Variants in SNX29 observed in about 807,000 individuals in gnomAD.
SNX29 encodes the protein sorting nexin-29.
Under a neutral mutation model 102.1 loss-of-function variants are expected in SNX29, and 78 were observed. The ratio of observed to expected loss-of-function variants is 0.76; its 90% CI spans 0.64 to 0.92. The LOEUF (loss-of-function observed/expected upper bound fraction) is 0.92, where lower values mean the gene tolerates loss of function less well. SNX29 is among the 40% of genes least tolerant of loss of function. The pLI is 0.00. For synonymous variants in SNX29, 580 were observed against 414.5 expected (o/e 1.40, Z -4.85); for missense variants, 1,280 against 1,061.7 (o/e 1.21, Z -2.86).
intron 18 of SNX29, among the ~76,000 whole-genome samples, chr16:12,465,531 A>T (rs1392824736): frequency 6.6e-6 from 1 of 151,660 alleles, no homozygotes; most frequent in Non-Finnish European, 1.5e-5. Flanking sequence ...ATATGTGTGG[A>T]TTTACTTCTG....
intron 1 of SNX29, among the ~76,000 whole-genome samples, chr16:11,994,636 A>G (rs16958833): frequency 0.089 from 13,541 of 152,186 alleles, 1,052 homozygotes; most frequent in African/African-American, 0.21. Context: ...TTCTTTGTCA[A>G]GGATTAAATA....
intron 20 of SNX29, among the ~76,000 whole-genome samples, chr16:12,530,068 T>A (rs545608531): frequency 6.6e-6 from 1 of 152,214 alleles, no homozygotes; most frequent in Admixed American, 6.5e-5. Flanking sequence ...TCGGCACCGT[T>A]CCAACTACTC....
intron 20 of SNX29, among the ~76,000 whole-genome samples, chr16:12,566,545 G>T (rs187152241): frequency 4.6e-5 from 7 of 152,322 alleles, no homozygotes; most frequent in African/African-American, 1.2e-4. Context: ...GACAGGAGGG[G>T]GTTGTGAGGG....
chr16:12,519,800 G>A (rs975052727), intron 19 of SNX29, among the ~76,000 whole-genome samples: 2 of 152,102 alleles, frequency 1.3e-5, no homozygotes, highest in Non-Finnish European at 2.9e-5. Flanking sequence ...CTGAGGGCAG[G>A]AGTTCGAGAC....
At chr16:12,353,299 C>A (rs999725815) in intron 15 of SNX29, among the ~76,000 whole-genome samples, 3 of 152,188 alleles carry the variant, frequency 2.0e-5, no homozygotes, top group African/African-American at 7.2e-5. Context: ...CATCTGGCCC[C>A]TGGACACCTA....
At chr16:12,046,656 G>A (rs1015670995) in intron 6 of SNX29, among the ~76,000 whole-genome samples, 2 of 152,216 alleles carry the variant, frequency 1.3e-5, no homozygotes, top group African/African-American at 4.8e-5. Flanking sequence ...GCCTCACTCT[G>A]TTGCCCAGGC....
chr16:12,384,225 G>A (rs552922298), intron 16 of SNX29, among the ~76,000 whole-genome samples: 22 of 152,180 alleles, frequency 1.4e-4, no homozygotes, highest in East Asian at 9.6e-4. Context: ...TCTTTCTTTC[G>A]GGTATATACC....
chr16:12,550,364 A>G (rs1037396331), intron 20 of SNX29, among the ~76,000 whole-genome samples: 1 of 152,070 alleles, frequency 6.6e-6, no homozygotes, highest in Non-Finnish European at 1.5e-5. Context: ...AGGAAAACCC[A>G]TCTCTACTAA....
At chr16:12,402,010 T>C (rs553578206) in intron 17 of SNX29, among the ~76,000 whole-genome samples, 1 of 152,350 alleles carries the variant, frequency 6.6e-6, no homozygotes, top group Admixed American at 6.5e-5. Context: ...GAGTGCTACT[T>C]ATATTTCTGC....
intron 1 of SNX29, 126 bp from the exon 2 acceptor site, chr16:11,999,171 A>G (rs183179954): frequency 1.3e-6 from 1 of 781,612 alleles, no homozygotes; most frequent in Non-Finnish European, 2.1e-6. Flanking sequence ...CATTGTAATG[A>G]TACAGATTAT....
At chr16:12,555,842 C>T (rs113498524) in intron 20 of SNX29, among the ~76,000 whole-genome samples, 21 of 152,312 alleles carry the variant, frequency 1.4e-4, no homozygotes, top group African/African-American at 4.8e-4. Flanking sequence ...TGACCAACCC[C>T]CCTCACCACC....
At chr16:12,175,812 G>T (rs1186916257) in intron 13 of SNX29, among the ~76,000 whole-genome samples, 1 of 151,998 alleles carries the variant, frequency 6.6e-6, no homozygotes, top group African/African-American at 2.4e-5. Context: ...TTTGAGACTA[G>T]CTTGGGACAC....
chr16:12,554,649 G>T (rs2078210111), intron 20 of SNX29, among the ~76,000 whole-genome samples: 1 of 152,208 alleles, frequency 6.6e-6, no homozygotes, highest in Admixed American at 6.5e-5. Context: ...GGTTTCACCA[G>T]TTTGTGCATT....
intron 16 of SNX29, among the ~76,000 whole-genome samples, chr16:12,362,601 G>A (rs1459758966): frequency 3.2e-5 from 3 of 93,938 alleles, no homozygotes; most frequent in Non-Finnish European, 5.7e-5. Flanking sequence ...CTCCCCCAGG[G>A]TGCTGGACCT....
intron 3 of SNX29, among the ~76,000 whole-genome samples, chr16:12,026,147 C>G (rs2057185946): frequency 6.6e-6 from 1 of 152,190 alleles, no homozygotes; most frequent in Admixed American, 6.5e-5. Flanking sequence ...GGCCTCAAGG[C>G]CTTTGCACTG....
intron 18 of SNX29, among the ~76,000 whole-genome samples, chr16:12,439,892 G>T (rs10048120): frequency 0.025 from 3,879 of 152,286 alleles, 84 homozygotes; most frequent in East Asian, 0.097. Flanking sequence ...GATGCCAAGT[G>T]GTATTTTCCT....
chr16:12,547,690 G>C (rs187964131), intron 20 of SNX29, among the ~76,000 whole-genome samples: 1 of 151,944 alleles, frequency 6.6e-6, no homozygotes, highest in African/African-American at 2.4e-5. Flanking sequence ...CCTGGCCCCC[G>C]CGTTCCTGTC....
At chr16:12,396,601 G>A (rs1004192668) in intron 16 of SNX29, among the ~76,000 whole-genome samples, 4 of 152,188 alleles carry the variant, frequency 2.6e-5, no homozygotes, top group African/African-American at 7.2e-5. Flanking sequence ...AGATACTGGC[G>A]TCCTCCACAT....
intron 14 of SNX29, among the ~76,000 whole-genome samples, chr16:12,251,147 T>A (rs922389378): frequency 6.6e-6 from 1 of 152,226 alleles, no homozygotes; most frequent in African/African-American, 2.4e-5. Context: ...TGCCATTTGC[T>A]GGCTTCCTGT....
Sources: gnomAD v4.1 joint callset for allele counts (sites outside exome capture counted in the v4.1 genomes callset) on GRCh38, gnomAD v4.1.1 for gene constraint, MANE v1.5 for transcripts, NCBI Gene and HGNC (gene_info 2026-07-23, HGNC 2026-07-21) for gene names.